The following CCDC192 variants were observed in gnomAD, a reference collection of about 807,000 sequenced individuals.
CCDC192 encodes coiled-coil domain-containing protein 192.
At chr5:127,824,911 A>T (rs1272421242) in intron 5 of CCDC192, among the ~76,000 whole-genome samples, 1 of 152,228 alleles carries the variant, frequency 6.6e-6, no homozygotes, top group Non-Finnish European at 1.5e-5. Flanking sequence ...TTTCGAGAGA[A>T]GCAATGAAAG....
intron 3 of CCDC192, among the ~76,000 whole-genome samples, chr5:127,764,319 TTGG>T (rs539873524): frequency 3.9e-5 from 6 of 152,154 alleles, no homozygotes; most frequent in African/African-American, 7.2e-5. Flanking sequence ...GCCTAAATTA[TTGG>T]TGGAGAGAAG....
At chr5:127,741,730 C>T (rs1753431089) in intron 2 of CCDC192, among the ~76,000 whole-genome samples, 1 of 152,180 alleles carries the variant, frequency 6.6e-6, no homozygotes, top group Non-Finnish European at 1.5e-5. Context: ...TAATTTAAAC[C>T]ATGCAAGATA....
rs35102491 is a variant in CCDC192 at position 127,875,520 on chromosome 5, ATT to A, written c.412-5_412-4del. On this transcript the variant is annotated splice_polypyrimidine_tract_variant and intron_variant, in intron 5 of 6. Transcript: ENST00000514853. ...TCTGTCCCTAGTGATGGAAACTCTT[ATT>A]TTTTTTTTTTTTAAGAAACTAAAGC... is the stretch of plus-strand genomic sequence containing the variant. 0.6 allele frequency: 221,377 copies of A among 367,316 alleles called. 54,842 individuals are homozygous for A. Among genetic ancestry groups the A allele is most frequent in the African/African-American group, 0.76 (36,039 of 47,182 alleles). 22.8% of individuals were successfully genotyped at this position (367,316 alleles called of 1,614,324 possible).
intron 2 of CCDC192, among the ~76,000 whole-genome samples, chr5:127,726,688 A>T (rs1368156009): frequency 6.6e-6 from 1 of 152,174 alleles, no homozygotes; most frequent in Non-Finnish European, 1.5e-5. Flanking sequence ...ACCTCGACCC[A>T]TCCTTTCTCA....
intron 2 of CCDC192, among the ~76,000 whole-genome samples, chr5:127,740,653 A>G (rs1001812998): frequency 6.6e-5 from 10 of 152,276 alleles, no homozygotes; most frequent in South Asian, 2.1e-4. Flanking sequence ...TTTTTAGTAG[A>G]AAAAAATTAC....
At chr5:127,821,847 A>G (rs1749309038) in intron 5 of CCDC192, among the ~76,000 whole-genome samples, 1 of 152,210 alleles carries the variant, frequency 6.6e-6, no homozygotes, top group Admixed American at 6.5e-5. Context: ...TGTGCAACAG[A>G]AGGGCTAACA....
chr5:127,784,442 A>G (rs1221636227), intron 3 of CCDC192, among the ~76,000 whole-genome samples: 1 of 152,212 alleles, frequency 6.6e-6, no homozygotes, highest in Non-Finnish European at 1.5e-5. Context: ...AAATGTATCT[A>G]TCCTGAGCAG....
chr5:127,876,255 CAA>C (rs10718598), intron 6 of CCDC192, among the ~76,000 whole-genome samples: 33 of 151,514 alleles, frequency 2.2e-4, no homozygotes, highest in Non-Finnish European at 8.8e-5. Context: ...AAACAACAAA[CAA>C]AAAAACTCCA....
intron 6 of CCDC192, among the ~76,000 whole-genome samples, chr5:127,898,930 C>T (rs1027952207): frequency 6.6e-6 from 1 of 152,100 alleles, no homozygotes; most frequent in Non-Finnish European, 1.5e-5. Context: ...GAACAAGGGT[C>T]CCTAACCTCA....
intron 2 of CCDC192, among the ~76,000 whole-genome samples, chr5:127,709,202 GGAGAGAGAGAGAGAGA>G (rs201676720): frequency 4.7e-5 from 4 of 85,696 alleles, no homozygotes; most frequent in South Asian, 6.1e-4. Flanking sequence ...GGAGAGAGGG[GGAGAGAGAGAGAGAGA>G]GAGAGAGAGA....
chr5:127,778,007 TTGTGTGTG>T (rs141839653), intron 3 of CCDC192, among the ~76,000 whole-genome samples: 10 of 150,082 alleles, frequency 6.7e-5, no homozygotes, highest in Non-Finnish European at 1.3e-4. Context: ...ATTTATTAGC[TTGTGTGTG>T]TGTGTGTGTG....
intron 2 of CCDC192, among the ~76,000 whole-genome samples, chr5:127,727,874 AAC>A (rs1362552566): frequency 6.6e-6 from 1 of 152,240 alleles, no homozygotes; most frequent in Non-Finnish European, 1.5e-5. Context: ...TGAAAAACAC[AAC>A]ATGAGAACTT....
At chr5:127,729,480 A>G (rs1752517144) in intron 2 of CCDC192, among the ~76,000 whole-genome samples, 1 of 152,074 alleles carries the variant, frequency 6.6e-6, no homozygotes, top group African/African-American at 2.4e-5. Flanking sequence ...ACACTGACAA[A>G]GATATTCAGG....
chr5:127,727,212 C>A (rs1394015030), intron 2 of CCDC192, among the ~76,000 whole-genome samples: 1 of 152,208 alleles, frequency 6.6e-6, no homozygotes, highest in East Asian at 1.9e-4. Flanking sequence ...TGGCTCATGC[C>A]TGTAATCCCA....
At chr5:127,909,398 A>G (rs937330196) in intron 6 of CCDC192, among the ~76,000 whole-genome samples, 1 of 152,072 alleles carries the variant, frequency 6.6e-6, no homozygotes, top group Non-Finnish European at 1.5e-5. Flanking sequence ...AAGATCAATA[A>G]AAAGAAGAAA....
upstream of CCDC192, among the ~76,000 whole-genome samples, chr5:127,702,236 G>A (rs900756646): frequency 6.6e-6 from 1 of 151,924 alleles, no homozygotes; most frequent in Non-Finnish European, 1.5e-5. Flanking sequence ...GGGACTACAG[G>A]CGCCCACCAC....
intron 5 of CCDC192, among the ~76,000 whole-genome samples, chr5:127,853,913 G>A (rs1339806226): frequency 6.6e-6 from 1 of 152,086 alleles, no homozygotes; most frequent in Non-Finnish European, 1.5e-5. Flanking sequence ...TTCCAAAGAT[G>A]TCTGCTTATG....
intron 2 of CCDC192, among the ~76,000 whole-genome samples, chr5:127,708,911 C>T (rs942306485): frequency 6.6e-6 from 1 of 151,972 alleles, no homozygotes; most frequent in Non-Finnish European, 1.5e-5. Flanking sequence ...TGTAGTAGTT[C>T]GTTCTCGCAC....
chr5:127,751,277 A>G lies in CCDC192; in HGVS notation c.115-2991A>G, dbSNP rs192166642. On this transcript the variant is annotated intron_variant, in intron 2 of 6. Coordinates refer to ENST00000514853, the MANE Select transcript of CCDC192 (RefSeq NM_001317938.2). Reference sequence around the variant, plus strand: ...CCAGTTGTTCCTTTCCATGTTTAGCACTTCCTTCAAGAGCTCTTTTAGGGC... The same window carrying G: ...CCAGTTGTTCCTTTCCATGTTTAGCGCTTCCTTCAAGAGCTCTTTTAGGGC... Among the ~76,000 whole-genome samples, 754 of 151,540 alleles carry G rather than the reference A, an allele frequency of 5.0e-3. 3 individuals are homozygous for G. The highest frequency in any genetic ancestry group is 0.017 in the African/African-American group (704 of 41,324).
Sources: allele counts gnomAD v4.1 joint callset (sites outside exome capture counted in the v4.1 genomes callset), GRCh38; gene constraint gnomAD v4.1.1; transcripts MANE v1.5; gene names NCBI Gene and HGNC (gene_info 2026-07-23, HGNC 2026-07-21).